OSBPL9: variants seen among roughly 807,000 people sequenced by gnomAD.
OSBPL9 encodes oxysterol binding protein like 9.
Under a neutral mutation model 106.6 loss-of-function variants are expected in OSBPL9, and 40 were observed. The ratio of observed to expected loss-of-function variants is 0.38; its 90% CI spans 0.29 to 0.49. OSBPL9 has a LOEUF of 0.49. OSBPL9 is among the 20% of genes least tolerant of loss of function. The probability of loss-of-function intolerance (pLI) is 0.97; values close to 1 mark genes in which losing one functional copy is unlikely to be tolerated. For missense variants in OSBPL9, 609 were observed against 887.2 expected, an observed-to-expected ratio of 0.69 and a Z score of 3.98; for synonymous variants, 269 against 295.4, an observed-to-expected ratio of 0.91 and a Z score of 0.92.
intron 1 of OSBPL9, 128 bp downstream of exon 1, chr1:51,617,349 C>T (rs911695238): frequency 3.2e-6 from 3 of 936,960 alleles, no homozygotes; most frequent in Admixed American, 5.7e-5. Context: ...CGCGAGGGTT[C>T]CCTTGTTGGG....
At chr1:51,667,499 A>G (rs1052058365) in intron 2 of OSBPL9, among the ~76,000 whole-genome samples, 2 of 152,180 alleles carry the variant, frequency 1.3e-5, no homozygotes, top group African/African-American at 4.8e-5. Context: ...TCTTTCACTT[A>G]GCATACTGTT....
chr1:51,625,606 C>T (rs1279875663), intron 1 of OSBPL9, among the ~76,000 whole-genome samples: 2 of 151,800 alleles, frequency 1.3e-5, no homozygotes, highest in Non-Finnish European at 2.9e-5. Flanking sequence ...CCGCAACGTC[C>T]AGCACCAAGA....
intron 20 of OSBPL9, chr1:51,785,315 T>A (rs1302363656): frequency 6.4e-6 from 1 of 156,234 alleles, no homozygotes; most frequent in African/African-American, 2.4e-5. Context: ...CAAGTAGAGG[T>A]CTGTTACGGC....
intron 4 of OSBPL9, among the ~76,000 whole-genome samples, chr1:51,731,131 G>A (rs970247458): frequency 2.6e-4 from 39 of 152,050 alleles, no homozygotes; most frequent in African/African-American, 8.7e-4. Context: ...TTCAGGGAAG[G>A]TGTATGATTA....
rs111647304 is a variant in OSBPL9 at position 51,758,440 on chromosome 1, C to A, written c.582+2082C>A. On this transcript the variant is annotated intron_variant, in intron 9 of 23. Transcript: ENST00000428468. ...CTATTTTCAGAAAAAAAAAAAAAAA[C>A]CTGGTCTATTTTGGGATCCACTTGC... Among the ~76,000 whole-genome samples, 115 of 138,368 alleles carry A rather than the reference C, an allele frequency of 8.3e-4. 3 individuals are homozygous for A. The South Asian group carries it at 0.013, about 15-fold the overall frequency. The allele number at this position is 138,368 out of a possible 152,430, so 90.8% of individuals were successfully genotyped here.
intron 1 of OSBPL9, among the ~76,000 whole-genome samples, chr1:51,592,375 A>T (rs904552681): frequency 6.6e-6 from 1 of 152,146 alleles, no homozygotes; most frequent in African/African-American, 2.4e-5. Flanking sequence ...TCGGCCTCCC[A>T]AAGTGCTGGG....
chr1:51,625,471 C>T lies in OSBPL9; in HGVS notation c.111+8250C>T, dbSNP rs144129076. On this transcript the variant is annotated intron_variant, in intron 1 of 23. Coordinates refer to ENST00000428468, the MANE Select transcript of OSBPL9 (RefSeq NM_024586.6). ...AGAAATACAGACAAAGAAATGGCCA[C>T]CCCAATCAATTGTTTCCTTCTCATT... is the stretch of plus-strand genomic sequence containing the variant. 2.6e-3 allele frequency among the ~76,000 whole-genome samples: 396 copies of T among 151,896 alleles called. 1 individual carries two copies. The highest frequency in any genetic ancestry group is 9.1e-3 in the African/African-American group (376 of 41,424).
chr1:51,662,814 G>C (rs376357419), intron 2 of OSBPL9, among the ~76,000 whole-genome samples: 2 of 145,356 alleles, frequency 1.4e-5, no homozygotes, highest in Non-Finnish European at 3.0e-5. Flanking sequence ...GCGTGATCTC[G>C]GCTCACTGTA....
intron 3 of OSBPL9, among the ~76,000 whole-genome samples, chr1:51,682,954 G>A (rs1433803420): frequency 6.6e-6 from 1 of 150,724 alleles, no homozygotes; most frequent in East Asian, 2.0e-4. Context: ...TTGGTTCACT[G>A]CAGCCTCCGC....
chr1:51,770,007 A>G (rs76359074), intron 12 of OSBPL9, among the ~76,000 whole-genome samples: 3,162 of 152,244 alleles, frequency 0.021, 64 homozygotes, highest in Middle Eastern at 0.088. Context: ...GTCTCACTCT[A>G]TCACTCAGGC....
intron 1 of OSBPL9, among the ~76,000 whole-genome samples, chr1:51,581,651 A>G (rs1246339983): frequency 6.6e-6 from 1 of 151,948 alleles, no homozygotes; most frequent in Non-Finnish European, 1.5e-5. Flanking sequence ...TATTTATTTT[A>G]TACCTTATTA....
chr1:51,713,927 T>A, intron 3 of OSBPL9, 76 bp from the exon 4 acceptor site: 1 of 1,187,950 alleles, frequency 8.4e-7, no homozygotes, highest in Non-Finnish European at 1.2e-6. Flanking sequence ...ATCATAGTTT[T>A]AAAATGATAT....
At chr1:51,766,519 C>G (rs1388378008) in intron 12 of OSBPL9, among the ~76,000 whole-genome samples, 1 of 152,172 alleles carries the variant, frequency 6.6e-6, no homozygotes, top group South Asian at 2.1e-4. Flanking sequence ...TAATGAAATA[C>G]GTGGTATGGT....
intron 3 of OSBPL9, among the ~76,000 whole-genome samples, chr1:51,698,657 A>G (rs1240757596): frequency 6.6e-6 from 1 of 152,206 alleles, no homozygotes; most frequent in Non-Finnish European, 1.5e-5. Flanking sequence ...TCTAGAGATA[A>G]GCTGAATGTA....
intron 2 of OSBPL9, among the ~76,000 whole-genome samples, chr1:51,599,694 AT>A (rs2148603495): frequency 6.6e-6 from 1 of 152,330 alleles, no homozygotes; most frequent in African/African-American, 2.4e-5. Flanking sequence ...GATGAAAAAA[AT>A]CCATGTGATA....
rs1209300145 is a variant in OSBPL9 at position 51,659,015 on chromosome 1, CATAGATGT to C, written c.162+6975_162+6982del. ...ATCTATTTAATCTCTGTGATTGGTA[CATAGATGT>C]CATTAGTGCTCTATTTTATGAATGT... On this transcript the variant is annotated intron_variant, in intron 2 of 23. Transcript: ENST00000428468. Among the ~76,000 whole-genome samples, 21 of 152,130 alleles carry C rather than the reference CATAGATGT, an allele frequency of 1.4e-4. No individual in the cohort carries two copies. The South Asian group carries it at 4.2e-3, about 30-fold the overall frequency.
the OSBPL9 span, chr1:51,560,980 G>A: frequency 6.6e-6 from 1 of 152,250 alleles, no homozygotes; most frequent in Non-Finnish European, 1.5e-5. Context: ...CGGGCACGGT[G>A]GCTCACGATT....
At chr1:51,722,064 C>T (rs866783330) in intron 4 of OSBPL9, among the ~76,000 whole-genome samples, 1 of 152,184 alleles carries the variant, frequency 6.6e-6, no homozygotes, top group Non-Finnish European at 1.5e-5. Context: ...TGGCTCACGC[C>T]ACTAATCCCA....
chr1:51,608,683 G>C (rs981081409), intron 2 of OSBPL9, among the ~76,000 whole-genome samples: 4 of 151,486 alleles, frequency 2.6e-5, no homozygotes, highest in Admixed American at 6.6e-5. Context: ...GGATTGGGGG[G>C]GGGGGCTTTC....
Sources: gnomAD v4.1 joint callset for allele counts (sites outside exome capture counted in the v4.1 genomes callset) on GRCh38, gnomAD v4.1.1 for gene constraint, MANE v1.5 for transcripts, NCBI Gene and HGNC (gene_info 2026-07-23, HGNC 2026-07-21) for gene names.